MAP4K4: variants seen among roughly 807,000 people sequenced by gnomAD.
MAP4K4 encodes the protein HPK/GCK-like kinase HGK.
Under a neutral mutation model 189.6 loss-of-function variants are expected in MAP4K4, and 38 were observed. The observed-to-expected ratio is 0.20, with a 90% CI of 0.15 to 0.26. The LOEUF is 0.26. Among genes scored for constraint, MAP4K4 ranks in the 10% least tolerant of loss-of-function variants. The pLI, the probability that MAP4K4 is intolerant of heterozygous loss-of-function variation, is 1.00. For synonymous variants in MAP4K4, 610 were observed against 624.3 expected, an observed-to-expected ratio of 0.98 and a Z score of 0.34; for missense variants, 1,054 against 1,726.9, an observed-to-expected ratio of 0.61 and a Z score of 6.91.
At chr2:101,792,482 C>T (rs1252278857) in intron 3 of MAP4K4, among the ~76,000 whole-genome samples, 1 of 152,022 alleles carries the variant, frequency 6.6e-6, no homozygotes, top group East Asian at 1.9e-4. Context: ...TTCACCGAAG[C>T]CTGGCTCTGA....
chr2:101,879,613 G>A (rs2150173499), intron 27 of MAP4K4, among the ~76,000 whole-genome samples: 1 of 152,298 alleles, frequency 6.6e-6, no homozygotes, highest in Middle Eastern at 3.4e-3. Flanking sequence ...TAAGCATACA[G>A]CTCAATGAGC....
Position 101,882,701 on chromosome 2 carries a change from G to C in MAP4K4, c.3520+16G>C. The stretch of plus-strand genomic sequence containing the variant: ...TATAAAGTTGGTAAGTTCTAGAAGC[G>C]TCATATTTTGTTTTTCCAGAGTTTG... On this transcript the variant is annotated intron_variant, in intron 28 of 32. Transcript: ENST00000324219. 6.6e-7 allele frequency: 1 copy of C among 1,517,746 alleles called. No homozygotes were observed. Among genetic ancestry groups the C allele is most frequent in the South Asian group, 1.3e-5 (1 of 77,182 alleles). The allele number at this position is 1,517,746 out of a possible 1,614,324, so 94.0% of individuals were successfully genotyped here. A position where few individuals can be genotyped will look rare whatever the true frequency, so the allele number is the denominator to read the frequency against.
intron 2 of MAP4K4, among the ~76,000 whole-genome samples, chr2:101,726,967 C>T (rs530483746): frequency 8.5e-5 from 13 of 152,138 alleles, no homozygotes; most frequent in Non-Finnish European, 1.6e-4. Context: ...AGGGTATCAC[C>T]TGGCGAGGGG....
chr2:101,871,109 G>A (rs931051385), intron 23 of MAP4K4, among the ~76,000 whole-genome samples: 1 of 152,132 alleles, frequency 6.6e-6, no homozygotes, highest in Non-Finnish European at 1.5e-5. Context: ...CTATGGCAAT[G>A]CATTCGGATG....
At position 101,859,109 on chromosome 2, in the gene MAP4K4, G is replaced by A. The variant is rs773152640; in HGVS notation, c.1482+27G>A. On this transcript the variant is annotated intron_variant, in intron 14 of 32. Transcript: ENST00000324219. ...TAAAGCCCCGCCTCTGTTTCATTCT[G>A]TAGCATCAGGGCTCCTTCATCCGTC... 8 of 1,587,232 alleles carry A rather than the reference G, an allele frequency of 5.0e-6. No individual in the cohort carries two copies. In the African/African-American group the frequency reaches 1.1e-4, roughly 21 times the overall value.
chr2:101,712,646 T>C (rs2046253080), intron 2 of MAP4K4, among the ~76,000 whole-genome samples: 1 of 151,302 alleles, frequency 6.6e-6, no homozygotes, highest in South Asian at 2.1e-4. Flanking sequence ...ATTACAGGTG[T>C]GTACCACCAT....
intron 27 of MAP4K4, among the ~76,000 whole-genome samples, chr2:101,878,494 T>A (rs1027141339): frequency 1.3e-5 from 2 of 152,240 alleles, no homozygotes. Flanking sequence ...CCATTTTATA[T>A]GGCTAGAGGA....
intron 2 of MAP4K4, among the ~76,000 whole-genome samples, chr2:101,732,830 G>T (rs574882577): frequency 6.6e-6 from 1 of 152,196 alleles, no homozygotes; most frequent in Non-Finnish European, 1.5e-5. Context: ...CTCGTGATCC[G>T]CCTGCCTCGG....
At chr2:101,746,931 C>T (rs1476477911) in intron 2 of MAP4K4, among the ~76,000 whole-genome samples, 1 of 152,058 alleles carries the variant, frequency 6.6e-6, no homozygotes, top group Non-Finnish European at 1.5e-5. Flanking sequence ...TGGTAGGGTT[C>T]TTAATAACTG....
intron 2 of MAP4K4, among the ~76,000 whole-genome samples, chr2:101,726,689 A>G (rs1186203782): frequency 6.6e-6 from 1 of 152,206 alleles, no homozygotes; most frequent in Non-Finnish European, 1.5e-5. Context: ...ACAGGAGTAT[A>G]GAATATATTC....
At chr2:101,831,657 C>T (rs1408766203) in intron 6 of MAP4K4, 64 bp from the exon 7 acceptor site, 21 of 1,524,994 alleles carry the variant, frequency 1.4e-5, no homozygotes, top group Non-Finnish European at 3.6e-6. Context: ...GTGTTTTTTC[C>T]CAAGTATATC....
At chr2:101,862,253 A>G (rs2097685656) in intron 16 of MAP4K4, 1 of 148,566 alleles carries the variant, frequency 6.7e-6, no homozygotes, top group African/African-American at 2.5e-5. Context: ...AAAAAAAAAA[A>G]AAAAAAAAAA....
chr2:101,719,292 A>G (rs2050313559), intron 2 of MAP4K4, among the ~76,000 whole-genome samples: 1 of 152,208 alleles, frequency 6.6e-6, no homozygotes, highest in East Asian at 1.9e-4. Context: ...TAAATGGATT[A>G]TGATTCTCAA....
chr2:101,815,898 T>TG (rs1366818780), intron 3 of MAP4K4, among the ~76,000 whole-genome samples: 2 of 152,058 alleles, frequency 1.3e-5, no homozygotes, highest in Non-Finnish European at 2.9e-5. Context: ...TTACCTCAGG[T>TG]GGTTTCCGCA....
intron 26 of MAP4K4, among the ~76,000 whole-genome samples, chr2:101,876,482 T>G (rs1036673942): frequency 6.6e-6 from 1 of 152,204 alleles, no homozygotes; most frequent in Admixed American, 6.5e-5. Flanking sequence ...TGGAAAGTGA[T>G]CTTTAAGAAA....
chr2:101,877,347 C>T (rs550848247), intron 27 of MAP4K4, among the ~76,000 whole-genome samples: 3 of 152,310 alleles, frequency 2.0e-5, no homozygotes, highest in Admixed American at 6.5e-5. Context: ...CCTCCGAAAG[C>T]AGTCTTGAGA....
chr2:101,704,051 G>A (rs927845200), intron 2 of MAP4K4, among the ~76,000 whole-genome samples: 1 of 152,124 alleles, frequency 6.6e-6, no homozygotes, highest in African/African-American at 2.4e-5. Flanking sequence ...GCATTTTGGA[G>A]CAAGTACTTA....
At chr2:101,699,538 A>T (rs925472191) in intron 2 of MAP4K4, among the ~76,000 whole-genome samples, 1 of 152,230 alleles carries the variant, frequency 6.6e-6, no homozygotes, top group African/African-American at 2.4e-5. Flanking sequence ...GTACAAGGTT[A>T]GGGAAGCAGG....
intron 2 of MAP4K4, among the ~76,000 whole-genome samples, chr2:101,744,910 GT>G (rs1192450410): frequency 1.3e-5 from 2 of 152,206 alleles, no homozygotes; most frequent in Non-Finnish European, 2.9e-5. Context: ...AGCACCAGGA[GT>G]TTAGTAACTT....
Sources: allele counts gnomAD v4.1 joint callset (sites outside exome capture counted in the v4.1 genomes callset), GRCh38; gene constraint gnomAD v4.1.1; transcripts MANE v1.5; gene names NCBI Gene and HGNC (gene_info 2026-07-23, HGNC 2026-07-21).